Variants in SYT1 observed in about 807,000 individuals in gnomAD.
SYT1 encodes the protein synaptotagmin-1.
A neutral mutation model predicts 44.8 loss-of-function variants in SYT1; 8 were observed. That is an observed-to-expected ratio of 0.18 (90% CI 0.10 to 0.32). The LOEUF (loss-of-function observed/expected upper bound fraction) is 0.32. Ranked by LOEUF, SYT1 falls within the 10% of genes least tolerant of loss-of-function variation. The pLI is 1.00. For synonymous variants in SYT1, 154 were observed against 188.8 expected, an observed-to-expected ratio of 0.82 and a Z score of 1.51; for missense variants, 286 against 509.3, an observed-to-expected ratio of 0.56 and a Z score of 4.22.
chr12:78,877,721 A>C (rs940591369), intron 1 of SYT1, among the ~76,000 whole-genome samples: 4 of 151,504 alleles, frequency 2.6e-5, no homozygotes, highest in African/African-American at 9.7e-5. Context: ...CAGGTTGGAG[A>C]GCAAGCACAT....
rs544310205 is a variant in SYT1, at chr12:79,181,065, T to C, written c.-17-36438T>C. The stretch of plus-strand genomic sequence containing the variant: ...ATATGCGTCCTCTCTGCCATGATTG[T>C]AAGTTTCCTGAGGCCTCCCAGCCCT... On this transcript the variant is annotated intron_variant, in intron 3 of 10. Transcript: ENST00000261205. Among the ~76,000 whole-genome samples the C allele has an allele frequency of 3.3e-5, 5 of 152,236 alleles. No individual in the cohort carries two copies. The South Asian group carries it at 8.3e-4, about 25-fold the overall frequency.
At chr12:79,218,541 C>A (rs1316756171) in intron 4 of SYT1, among the ~76,000 whole-genome samples, 1 of 152,166 alleles carries the variant, frequency 6.6e-6, no homozygotes, top group Non-Finnish European at 1.5e-5. Flanking sequence ...CCCACAATCA[C>A]CACAGCCACT....
intron 2 of SYT1, among the ~76,000 whole-genome samples, chr12:79,041,538 G>C (rs186264636): frequency 6.6e-6 from 1 of 152,174 alleles, no homozygotes; most frequent in African/African-American, 2.4e-5. Context: ...AGACAATGGG[G>C]TTTTCTTGAT....
intron 2 of SYT1, among the ~76,000 whole-genome samples, chr12:79,040,666 G>A (rs1213545731): frequency 6.6e-6 from 1 of 152,080 alleles, no homozygotes; most frequent in Non-Finnish European, 1.5e-5. Context: ...TGTTGCCATT[G>A]CTTTTGGTGT....
At chr12:78,898,221 CTTA>C (rs914193880) in intron 1 of SYT1, among the ~76,000 whole-genome samples, 2 of 151,992 alleles carry the variant, frequency 1.3e-5, no homozygotes, top group African/African-American at 4.8e-5. Context: ...GCCTCATAGA[CTTA>C]TTTTGAGGAT....
chr12:79,164,252 G>C (rs1871117274), intron 3 of SYT1, among the ~76,000 whole-genome samples: 1 of 152,044 alleles, frequency 6.6e-6, no homozygotes, highest in South Asian at 2.1e-4. Context: ...CTACTGCGGA[G>C]GACCACTTAG....
intron 3 of SYT1, among the ~76,000 whole-genome samples, chr12:79,175,813 A>C (rs1871823542): frequency 6.6e-6 from 1 of 151,930 alleles, no homozygotes; most frequent in African/African-American, 2.4e-5. Context: ...TATCTAAACC[A>C]CCCAAGAAAC....
intron 3 of SYT1, among the ~76,000 whole-genome samples, chr12:79,211,687 G>A (rs940268812): frequency 8.1e-5 from 12 of 148,396 alleles, no homozygotes; most frequent in Non-Finnish European, 1.0e-4. Flanking sequence ...GAGAATATGC[G>A]GTGTTTGGTT....
intron 4 of SYT1, among the ~76,000 whole-genome samples, chr12:79,225,807 C>A (rs1875482983): frequency 6.6e-6 from 1 of 152,152 alleles, no homozygotes; most frequent in African/African-American, 2.4e-5. Context: ...TTGGTCTTTG[C>A]CCAATGTTAG....
At chr12:79,186,847 C>A (rs1224410827) in intron 3 of SYT1, among the ~76,000 whole-genome samples, 2 of 151,882 alleles carry the variant, frequency 1.3e-5, no homozygotes, top group African/African-American at 4.8e-5. Context: ...GTGTGAAAGT[C>A]AAAAATAGTC....
intron 2 of SYT1, among the ~76,000 whole-genome samples, chr12:79,034,139 G>C: frequency 6.6e-6 from 1 of 151,402 alleles, no homozygotes; most frequent in East Asian, 1.9e-4. Flanking sequence ...TGCTGTTCAG[G>C]CAAAAGCCCC....
chr12:79,131,856 T>A (rs1306286059), intron 3 of SYT1, among the ~76,000 whole-genome samples: 1 of 152,202 alleles, frequency 6.6e-6, no homozygotes, highest in Non-Finnish European at 1.5e-5. Context: ...AATATGAGTA[T>A]GATGAAAGAA....
At chr12:79,082,161 C>A (rs555147446) in intron 3 of SYT1, among the ~76,000 whole-genome samples, 3 of 152,032 alleles carry the variant, frequency 2.0e-5, no homozygotes, top group Non-Finnish European at 4.4e-5. Flanking sequence ...TAGATGCTTT[C>A]TTAGAGAGGA....
At chr12:79,038,113 T>C (rs1219256301) in intron 2 of SYT1, among the ~76,000 whole-genome samples, 1 of 151,386 alleles carries the variant, frequency 6.6e-6, no homozygotes, top group Non-Finnish European at 1.5e-5. Flanking sequence ...ATTATTTACC[T>C]TTTGTCATAT....
chr12:79,097,401 ATCC>A (rs1878197753), intron 3 of SYT1, among the ~76,000 whole-genome samples: 1 of 152,002 alleles, frequency 6.6e-6, no homozygotes, highest in Non-Finnish European at 1.5e-5. Context: ...ATATATTGTC[ATCC>A]TCTAAGATGC....
intron 1 of SYT1, among the ~76,000 whole-genome samples, chr12:78,905,175 T>C (rs1448208728): frequency 6.6e-6 from 1 of 152,214 alleles, no homozygotes; most frequent in Non-Finnish European, 1.5e-5. Flanking sequence ...CAGAAAAGTT[T>C]ATCATCTTTC....
chr12:79,120,147 A>G (rs1430607651), intron 3 of SYT1, among the ~76,000 whole-genome samples: 2 of 152,134 alleles, frequency 1.3e-5, no homozygotes, highest in African/African-American at 2.4e-5. Flanking sequence ...GAAAAAATAT[A>G]TATATATTTA....
chr12:78,982,054 C>G (rs2137442873), intron 2 of SYT1, among the ~76,000 whole-genome samples: 1 of 152,102 alleles, frequency 6.6e-6, no homozygotes, highest in East Asian at 1.9e-4. Flanking sequence ...AAGCAGAGCC[C>G]CCATCACTTC....
At chr12:79,078,414 T>C (rs1876805758) in intron 3 of SYT1, among the ~76,000 whole-genome samples, 1 of 152,192 alleles carries the variant, frequency 6.6e-6, no homozygotes, top group Non-Finnish European at 1.5e-5. Flanking sequence ...GTGCCTGACA[T>C]ACAGTAGGAG....
Sources: allele counts gnomAD v4.1 joint callset (sites outside exome capture counted in the v4.1 genomes callset), GRCh38; gene constraint gnomAD v4.1.1; transcripts MANE v1.5; gene names NCBI Gene and HGNC (gene_info 2026-07-23, HGNC 2026-07-21).